CDC42SE2: variants seen among roughly 807,000 people sequenced by gnomAD.
CDC42SE2 encodes the protein CDC42 small effector protein 2.
CDC42SE2 carries 3 observed loss-of-function variants against 11.5 expected under a neutral mutation model. The ratio of observed to expected loss-of-function variants is 0.26; its 90% CI spans 0.12 to 0.67. The LOEUF is 0.67. CDC42SE2 is among the 30% of genes least tolerant of loss of function. The probability of loss-of-function intolerance (pLI) is 0.80; values close to 1 mark genes in which losing one functional copy is unlikely to be tolerated. For synonymous variants in CDC42SE2, 33 were observed against 34.8 expected (o/e 0.95, Z 0.18); for missense variants, 82 against 106.8 (o/e 0.77, Z 1.02).
intron 1 of CDC42SE2, among the ~76,000 whole-genome samples, chr5:131,268,754 CTTTT>C (rs11370516): frequency 2.1e-5 from 2 of 96,882 alleles, no homozygotes; most frequent in African/African-American, 4.3e-5. Flanking sequence ...ACCCGGATTG[CTTTT>C]TTTTTTTTTT....
intron 4 of CDC42SE2, 65 bp from the exon 5 acceptor site, chr5:131,390,928 C>T: frequency 2.0e-6 from 2 of 1,014,378 alleles, no homozygotes. Flanking sequence ...AAAAGAATTA[C>T]TTAGTTGCAC....
At chr5:131,326,836 A>C (rs1022434293) in intron 2 of CDC42SE2, among the ~76,000 whole-genome samples, 5 of 151,838 alleles carry the variant, frequency 3.3e-5, no homozygotes, top group African/African-American at 1.2e-4. Flanking sequence ...GCTGGTCTTG[A>C]ACTCCTGGAC....
chr5:131,351,544 G>A (rs1050266227), intron 2 of CDC42SE2, among the ~76,000 whole-genome samples: 5 of 152,018 alleles, frequency 3.3e-5, no homozygotes, highest in Admixed American at 6.6e-5. Flanking sequence ...GTGAGCCACC[G>A]TGCCCGGCCT....
At chr5:131,232,729 G>T in the CDC42SE2 span, among the ~76,000 whole-genome samples, 2 of 115,342 alleles carry the variant, frequency 1.7e-5, no homozygotes, top group South Asian at 2.6e-4. Context: ...AACAAGACTC[G>T]GTCTCAAAAA....
chr5:131,375,193 A>T (rs191003227), intron 3 of CDC42SE2, among the ~76,000 whole-genome samples: 1 of 152,228 alleles, frequency 6.6e-6, no homozygotes, highest in East Asian at 1.9e-4. Flanking sequence ...TTTTGCTTTT[A>T]GCAATTTGGC....
chr5:131,310,048 A>C (rs1282261103), intron 1 of CDC42SE2, among the ~76,000 whole-genome samples: 2 of 151,910 alleles, frequency 1.3e-5, no homozygotes, highest in Non-Finnish European at 2.9e-5. Context: ...TAGGGTGTCA[A>C]TTTTGGATCT....
chr5:131,328,243 C>G (rs910585686), intron 2 of CDC42SE2, among the ~76,000 whole-genome samples: 8 of 152,100 alleles, frequency 5.3e-5, no homozygotes, highest in Non-Finnish European at 1.0e-4. Context: ...TTACACTACC[C>G]CATCCTGTGT....
chr5:131,285,215 G>A (rs1397433856), intron 1 of CDC42SE2, among the ~76,000 whole-genome samples: 1 of 152,098 alleles, frequency 6.6e-6, no homozygotes, highest in African/African-American at 2.4e-5. Context: ...AGCCTGGAAG[G>A]TTGAGGCTGT....
intron 1 of CDC42SE2, among the ~76,000 whole-genome samples, chr5:131,298,998 A>G (rs888192724): frequency 6.6e-6 from 1 of 152,200 alleles, no homozygotes; most frequent in African/African-American, 2.4e-5. Context: ...TAGCCATATC[A>G]AGTTCTGAAG....
intron 2 of CDC42SE2, among the ~76,000 whole-genome samples, chr5:131,333,409 C>T (rs756744168): frequency 4.6e-5 from 7 of 152,154 alleles, no homozygotes; most frequent in Non-Finnish European, 1.0e-4. Context: ...ATGATGCCTC[C>T]AGCTTTGTTC....
intron 4 of CDC42SE2, among the ~76,000 whole-genome samples, 160 bp from the exon 5 acceptor site, chr5:131,390,833 A>ATAAC (rs1486335406): frequency 6.6e-5 from 10 of 152,206 alleles, no homozygotes; most frequent in African/African-American, 9.7e-5. Flanking sequence ...GTTTGTCCTT[A>ATAAC]TAACTAGAAA....
rs147562960 is a variant in CDC42SE2, at chr5:131,299,066, G to T, written c.-454-16910G>T. On this transcript the variant is annotated intron_variant, in intron 1 of 4. Coordinates refer to ENST00000505065, the MANE Select transcript of CDC42SE2 (RefSeq NM_001375635.1). Reference sequence around the variant, plus strand: ...TGTGATGTCCTGTAGGCAACAGAAAGAAATTGAGAATGGTTGGATGGCACA... The same window carrying T: ...TGTGATGTCCTGTAGGCAACAGAAATAAATTGAGAATGGTTGGATGGCACA... Among the ~76,000 whole-genome samples the T allele has an allele frequency of 5.3e-5, 8 of 152,318 alleles. No homozygotes were observed. In the East Asian group the frequency reaches 1.5e-3, roughly 29 times the overall value.
chr5:131,391,416 A>T lies in CDC42SE2; in HGVS notation c.*325A>T, dbSNP rs139484089. The T allele has an allele frequency of 7.3e-3, 1,124 of 154,952 alleles. 11 individuals are homozygous for T. Among genetic ancestry groups the T allele is most frequent in the African/African-American group, 0.026 (1,074 of 41,644 alleles). The allele number at this position is 154,952 out of a possible 1,614,324, so 9.6% of individuals were successfully genotyped here. On this transcript the variant is annotated 3_prime_UTR_variant, in exon 5 of 5. Coordinates refer to ENST00000505065, the MANE Select transcript of CDC42SE2 (RefSeq NM_001375635.1). ...GCCGAGCATGGTGGCTCACACCTGTAATCCCAGCACTTTGGGAGGCCTAGG... is the reference window on the plus strand; with the variant it reads ...GCCGAGCATGGTGGCTCACACCTGTTATCCCAGCACTTTGGGAGGCCTAGG...
chr5:131,268,416 G>GTT (rs1361801985), intron 1 of CDC42SE2, among the ~76,000 whole-genome samples: 2 of 150,802 alleles, frequency 1.3e-5, no homozygotes, highest in East Asian at 3.9e-4. Context: ...TTTTTCTTAT[G>GTT]TTTTTCATAC....
intron 1 of CDC42SE2, among the ~76,000 whole-genome samples, chr5:131,310,459 A>G (rs1342669852): frequency 1.3e-5 from 2 of 152,080 alleles, no homozygotes; most frequent in African/African-American, 4.8e-5. Context: ...GATGTCTATT[A>G]GGTCTGCTTG....
chr5:131,232,020 C>T, the CDC42SE2 span, among the ~76,000 whole-genome samples: 1 of 152,040 alleles, frequency 6.6e-6, no homozygotes, highest in Non-Finnish European at 1.5e-5. Flanking sequence ...AAACTCCTGA[C>T]TTCAAGTGAT....
intron 1 of CDC42SE2, among the ~76,000 whole-genome samples, chr5:131,268,985 G>A (rs1236189021): frequency 6.6e-6 from 1 of 151,826 alleles, no homozygotes; most frequent in African/African-American, 2.4e-5. Flanking sequence ...GCTTGACCTC[G>A]TGATCCGCCC....
intron 2 of CDC42SE2, among the ~76,000 whole-genome samples, chr5:131,322,300 G>C (rs538900836): frequency 3.8e-4 from 58 of 152,202 alleles, no homozygotes; most frequent in African/African-American, 1.4e-3. Flanking sequence ...CTGAAACTCT[G>C]TACCCATTAG....
chr5:131,237,475 T>C, the CDC42SE2 span, among the ~76,000 whole-genome samples: 3 of 152,254 alleles, frequency 2.0e-5, no homozygotes, highest in African/African-American at 7.2e-5. Flanking sequence ...GCAACGTCCA[T>C]ATTTTCTCAA....
Sources: allele counts gnomAD v4.1 joint callset (sites outside exome capture counted in the v4.1 genomes callset), GRCh38; gene constraint gnomAD v4.1.1; transcripts MANE v1.5; gene names NCBI Gene and HGNC (gene_info 2026-07-23, HGNC 2026-07-21).